MBD5: variants seen among roughly 807,000 people sequenced by gnomAD.
The protein encoded by MBD5 is methyl-CpG-binding domain protein 5.
Under a neutral mutation model 117.3 loss-of-function variants are expected in MBD5, and 13 were observed. That is an observed-to-expected ratio of 0.11 (90% CI 0.07 to 0.18). MBD5 has a LOEUF of 0.18. Among genes scored for constraint, MBD5 ranks in the 10% least tolerant of loss-of-function variants. MBD5 has a pLI of 1.00. For missense variants in MBD5, 1,879 were observed against 2,093.8 expected (o/e 0.90, Z 2.00); for synonymous variants, 727 against 766.4 (o/e 0.95, Z 0.85).
chr2:148,038,274 A>G (rs1028151701), intron 1 of MBD5, among the ~76,000 whole-genome samples: 1 of 152,012 alleles, frequency 6.6e-6, no homozygotes, highest in Non-Finnish European at 1.5e-5. Context: ...CTTGTTTTAT[A>G]CATTTCTTTT....
At chr2:148,506,784 A>C (rs1248210373) in intron 12 of MBD5, among the ~76,000 whole-genome samples, 1 of 152,256 alleles carries the variant, frequency 6.6e-6, no homozygotes, top group Non-Finnish European at 1.5e-5. Flanking sequence ...AGTGTCCATT[A>C]GTAAAAATGT....
intron 4 of MBD5, among the ~76,000 whole-genome samples, chr2:148,397,916 C>A (rs1472542912): frequency 1.3e-5 from 2 of 151,404 alleles, no homozygotes; most frequent in Admixed American, 1.3e-4. Context: ...GGTTTTTTGT[C>A]TTTTGCGATA....
In MBD5 at chr2:148,496,397, G is replaced by A. The variant is rs183120377; in HGVS notation, c.4962+5803G>A. ...AAAAACTAAGCTGAGTAAAAGAACTGTAAACTTTACTATAGTGAACTGTGA... is the reference window on the plus strand; with the variant it reads ...AAAAACTAAGCTGAGTAAAAGAACTATAAACTTTACTATAGTGAACTGTGA... On this transcript the variant is annotated intron_variant, in intron 11 of 13. Transcript: ENST00000642680. Among the ~76,000 whole-genome samples, 89 of 152,302 alleles carry A rather than the reference G, an allele frequency of 5.8e-4. No homozygotes were observed. The East Asian group carries it at 9.6e-3, about 16-fold the overall frequency.
chr2:148,373,094 A>G (rs1703900476), intron 4 of MBD5, among the ~76,000 whole-genome samples: 5 of 152,156 alleles, frequency 3.3e-5, no homozygotes. Context: ...TATGGCTACA[A>G]TATTGAATTT....
rs1311584466 is a variant in MBD5 at position 148,468,459 on chromosome 2, T to C, written c.516T>C (p.Ile172=). 1 of 1,613,826 alleles carries C rather than the reference T, an allele frequency of 6.2e-7. No individual in the cohort carries two copies. The highest frequency in any genetic ancestry group is 1.7e-5 in the Admixed American group (1 of 59,988). ...GTAAGAATCCTTTCAAGTTAATGAT[T>C]GGATCATCAAATGCCATGGGAAGGC... ...PECKNPFKLM[I]GSSNAMGRLY... The change falls in exon 8 of 14, where the codon ATT becomes ATC. Residue 172 remains isoleucine, a synonymous_variant. Transcript: ENST00000642680.
At chr2:148,456,442 G>A (rs547576200) in intron 4 of MBD5, among the ~76,000 whole-genome samples, 1 of 152,008 alleles carries the variant, frequency 6.6e-6, no homozygotes, top group South Asian at 2.1e-4. Flanking sequence ...CTACGGATTT[G>A]GGGGGGACAC....
intron 4 of MBD5, chr2:148,347,620 C>G (rs1275739156): frequency 1.3e-5 from 2 of 151,764 alleles, no homozygotes; most frequent in Non-Finnish European, 2.9e-5. Flanking sequence ...CCAGTGCCGA[C>G]TTATCCAAAA....
chr2:148,187,670 T>C (rs1698698993), intron 2 of MBD5, among the ~76,000 whole-genome samples: 1 of 151,964 alleles, frequency 6.6e-6, no homozygotes, highest in African/African-American at 2.4e-5. Context: ...TGAAGACTTA[T>C]AAACCTTAAA....
At chr2:148,059,664 G>A (rs376180915) in intron 1 of MBD5, among the ~76,000 whole-genome samples, 2 of 151,650 alleles carry the variant, frequency 1.3e-5, no homozygotes, top group Non-Finnish European at 2.9e-5. Context: ...TGGCTAACAC[G>A]GAGAAACCCC....
At chr2:148,076,892 A>G (rs752545847) in intron 1 of MBD5, among the ~76,000 whole-genome samples, 2 of 152,224 alleles carry the variant, frequency 1.3e-5, no homozygotes, top group Non-Finnish European at 2.9e-5. Flanking sequence ...GTAATTTTAT[A>G]TTGGAGATTG....
chr2:148,346,437 T>C (rs1703126217), intron 4 of MBD5: 1 of 152,058 alleles, frequency 6.6e-6, no homozygotes, highest in South Asian at 2.1e-4. Flanking sequence ...AGTTTACATT[T>C]CTACCAACAG....
chr2:148,030,870 T>C (rs935840099), intron 1 of MBD5, among the ~76,000 whole-genome samples: 3 of 152,162 alleles, frequency 2.0e-5, no homozygotes, highest in Non-Finnish European at 4.4e-5. Flanking sequence ...CATAGCTTGA[T>C]AGAGAATAAA....
At chr2:148,280,833 C>T (rs1542323) in intron 3 of MBD5, among the ~76,000 whole-genome samples, 143,227 of 152,264 alleles carry the variant, frequency 0.94, 67,943 homozygotes, top group East Asian at 1. Flanking sequence ...GGCCTCTCTA[C>T]TTAATGGTAA....
In MBD5 at chr2:148,513,554, A is replaced by C. The variant is rs987269615; in HGVS notation, c.*613A>C. 1 of 153,676 alleles carries C rather than the reference A, an allele frequency of 6.5e-6. No homozygotes were observed. The highest frequency in any genetic ancestry group is 1.5e-5 in the Non-Finnish European group (1 of 68,778). 9.5% of individuals were successfully genotyped at this position (153,676 alleles called of 1,614,324 possible). A position where few individuals can be genotyped will look rare whatever the true frequency, so the allele number is the denominator to read the frequency against. ...TGAATTATGACATACACTGCACACC[A>C]CTGAGTGTCCATTTATATTGTCTGT... On this transcript the variant is annotated 3_prime_UTR_variant, in exon 14 of 14. Transcript: ENST00000642680.
intron 4 of MBD5, among the ~76,000 whole-genome samples, chr2:148,369,866 T>G (rs1703804495): frequency 6.6e-6 from 1 of 152,150 alleles, no homozygotes; most frequent in Non-Finnish European, 1.5e-5. Context: ...GATATTAATA[T>G]TTTAAGTGAA....
chr2:148,060,160 A>AAAAAAAAAC (rs1694989851), intron 1 of MBD5, among the ~76,000 whole-genome samples: 1 of 148,040 alleles, frequency 6.8e-6, no homozygotes, highest in African/African-American at 2.5e-5. Flanking sequence ...AAAAAAAAAA[A>AAAAAAAAAC]AAGCCAGGCA....
intron 1 of MBD5, chr2:148,054,970 G>A (rs1043748489): frequency 1.3e-5 from 2 of 152,148 alleles, no homozygotes; most frequent in South Asian, 4.1e-4. Context: ...GCCAGGTGAT[G>A]GATGTGAAAT....
intron 4 of MBD5, among the ~76,000 whole-genome samples, chr2:148,439,069 A>G (rs1385315758): frequency 1.3e-5 from 2 of 152,212 alleles, no homozygotes; most frequent in African/African-American, 4.8e-5. Flanking sequence ...TAATTTCCAA[A>G]TAAAGACAAG....
intron 1 of MBD5, among the ~76,000 whole-genome samples, chr2:148,135,170 CTTAATCT>C (rs1192342110): frequency 6.6e-6 from 1 of 152,174 alleles, no homozygotes. Flanking sequence ...AAGATTTTCT[CTTAATCT>C]TTAGAATATA....
Sources: allele counts gnomAD v4.1 joint callset (sites outside exome capture counted in the v4.1 genomes callset), GRCh38; gene constraint gnomAD v4.1.1; transcripts MANE v1.5; gene names NCBI Gene and HGNC (gene_info 2026-07-23, HGNC 2026-07-21).